The following CDH18 variants were observed in gnomAD, a reference collection of about 807,000 sequenced individuals.
CDH18 encodes cadherin-18.
A neutral mutation model predicts 67.9 loss-of-function variants in CDH18; 31 were observed. The observed-to-expected ratio is 0.46, with a 90% CI of 0.34 to 0.62. The LOEUF (loss-of-function observed/expected upper bound fraction) is 0.62. CDH18 is among the 20% of genes least tolerant of loss of function. The pLI, the probability that CDH18 is intolerant of heterozygous loss-of-function variation, is 0.01. For synonymous variants in CDH18, 362 were observed against 347.2 expected, an observed-to-expected ratio of 1.04 and a Z score of -0.48; for missense variants, 890 against 975.5, an observed-to-expected ratio of 0.91 and a Z score of 1.17.
chr5:19,815,054 C>A (rs773399662), intron 3 of CDH18, among the ~76,000 whole-genome samples: 6 of 152,016 alleles, frequency 3.9e-5, no homozygotes, highest in Non-Finnish European at 7.4e-5. Context: ...ATCACTTATT[C>A]TCTAAAAACA....
At chr5:19,812,574 C>T (rs766688218) in intron 3 of CDH18, among the ~76,000 whole-genome samples, 4 of 152,026 alleles carry the variant, frequency 2.6e-5, no homozygotes, top group Admixed American at 6.6e-5. Flanking sequence ...CTCCAGTAGA[C>T]GTCATTACAG....
At chr5:20,523,375 C>T (rs1222616629) in intron 1 of CDH18, among the ~76,000 whole-genome samples, 1 of 152,152 alleles carries the variant, frequency 6.6e-6, no homozygotes, top group East Asian at 1.9e-4. Flanking sequence ...ATGTTACATG[C>T]TGACTCTCTG....
At chr5:19,630,679 C>T (rs139197095) in intron 5 of CDH18, among the ~76,000 whole-genome samples, 139 of 152,050 alleles carry the variant, frequency 9.1e-4, no homozygotes, top group East Asian at 2.3e-3. Context: ...GAAGTAGGCA[C>T]CTAAGGCAGC....
At chr5:20,060,340 G>A (rs1348657309) in intron 2 of CDH18, among the ~76,000 whole-genome samples, 3 of 151,858 alleles carry the variant, frequency 2.0e-5, no homozygotes, top group Non-Finnish European at 4.4e-5. Flanking sequence ...TAGGGCATGT[G>A]TGTATACCAG....
chr5:20,575,320 T>C (rs1313261718), intron 1 of CDH18: 1 of 152,172 alleles, frequency 6.6e-6, no homozygotes, highest in Non-Finnish European at 1.5e-5. Flanking sequence ...TGCATTTCCA[T>C]ATTTCTAAAT....
chr5:19,487,329 T>C (rs1385684008), intron 11 of CDH18, among the ~76,000 whole-genome samples: 1 of 152,156 alleles, frequency 6.6e-6, no homozygotes, highest in Non-Finnish European at 1.5e-5. Flanking sequence ...TCAATAAAGA[T>C]AAGAAATTTC....
At chr5:19,781,570 G>A (rs182655039) in intron 3 of CDH18, among the ~76,000 whole-genome samples, 1 of 151,950 alleles carries the variant, frequency 6.6e-6, no homozygotes, top group Non-Finnish European at 1.5e-5. Context: ...TCTTGTGGGG[G>A]TTTTTTTATT....
chr5:19,721,356 G>C lies in CDH18; in HGVS notation c.634C>G (p.Pro212Ala). Residue 212 changes from proline to alanine, a missense_variant, in exon 5 of 13, where the codon CCT becomes GCT. Around this residue, in one of 2 missense-constraint regions of CDH18, gnomAD observed 234 missense variants for 307.4 expected, o/e 0.76. Transcript: ENST00000382275. ...LQGQPYFSVD[P>A]KTGVIRTALH... ...GTGTAAATGCACTAACCTGTTTTAGGGTCGACGGAGAAGTAGGGTTGTCCT... is the reference window on the plus strand; with the variant it reads ...GTGTAAATGCACTAACCTGTTTTAGCGTCGACGGAGAAGTAGGGTTGTCCT... 1 of 1,602,582 alleles carries C rather than the reference G, an allele frequency of 6.2e-7. No homozygotes were observed.
At chr5:19,792,895 A>C (rs528300100) in intron 3 of CDH18, among the ~76,000 whole-genome samples, 1 of 152,342 alleles carries the variant, frequency 6.6e-6, no homozygotes, top group African/African-American at 2.4e-5. Context: ...CAAGTTATTT[A>C]GACGACTAGG....
chr5:19,828,333 T>A (rs376750898), intron 3 of CDH18, among the ~76,000 whole-genome samples: 1 of 151,866 alleles, frequency 6.6e-6, no homozygotes, highest in African/African-American at 2.4e-5. Flanking sequence ...TTTCAAAAAA[T>A]TGAGAAGGAT....
At chr5:19,582,417 G>A (rs902855455) in intron 7 of CDH18, among the ~76,000 whole-genome samples, 5 of 151,786 alleles carry the variant, frequency 3.3e-5, no homozygotes, top group Non-Finnish European at 7.4e-5. Flanking sequence ...AGTTTCAAAC[G>A]ATTTATTACT....
At chr5:20,347,791 A>G (rs1196746034) in intron 1 of CDH18, among the ~76,000 whole-genome samples, 1 of 152,182 alleles carries the variant, frequency 6.6e-6, no homozygotes. Flanking sequence ...GCATGTGCAG[A>G]TGCAACACCC....
At chr5:19,736,012 T>C (rs191027256) in intron 4 of CDH18, among the ~76,000 whole-genome samples, 14 of 152,288 alleles carry the variant, frequency 9.2e-5, no homozygotes, top group Non-Finnish European at 1.9e-4. Context: ...TAGAAATAAT[T>C]GGATGAGACA....
At chr5:20,507,826 C>A (rs4002057) in intron 1 of CDH18, among the ~76,000 whole-genome samples, 6,768 of 152,076 alleles carry the variant, frequency 0.045, 484 homozygotes, top group African/African-American at 0.15. Flanking sequence ...TGAGCATACA[C>A]GTTTAGAAAA....
intron 3 of CDH18, among the ~76,000 whole-genome samples, chr5:19,814,959 T>G (rs1256381660): frequency 6.6e-6 from 1 of 152,022 alleles, no homozygotes; most frequent in African/African-American, 2.4e-5. Context: ...GTGCCCATAA[T>G]GTGTATTGCT....
At chr5:20,285,101 T>C (rs944217926) in intron 1 of CDH18, among the ~76,000 whole-genome samples, 53 of 151,862 alleles carry the variant, frequency 3.5e-4, no homozygotes, top group African/African-American at 1.3e-3. Flanking sequence ...TGGGGGCTTA[T>C]TTGCATTTCT....
chr5:19,799,504 G>T (rs1777222640), intron 3 of CDH18, among the ~76,000 whole-genome samples: 1 of 151,510 alleles, frequency 6.6e-6, no homozygotes, highest in East Asian at 1.9e-4. Flanking sequence ...TGAGGGTGAT[G>T]AATGTGTTTA....
chr5:19,898,140 C>T (rs1280656389), intron 2 of CDH18, among the ~76,000 whole-genome samples: 1 of 151,814 alleles, frequency 6.6e-6, no homozygotes, highest in Non-Finnish European at 1.5e-5. Flanking sequence ...TTATTTTTCT[C>T]TATATTATTT....
At chr5:19,502,237 T>G (rs1034575742) in intron 11 of CDH18, among the ~76,000 whole-genome samples, 1 of 152,256 alleles carries the variant, frequency 6.6e-6, no homozygotes, top group Non-Finnish European at 1.5e-5. Flanking sequence ...AAATTCCAAA[T>G]AGCAGCATAT....
Sources: gnomAD v4.1 joint callset for allele counts (sites outside exome capture counted in the v4.1 genomes callset) on GRCh38, gnomAD v4.1.1 for gene constraint, gnomAD v4.1.1 regional missense constraint, MANE v1.5 for transcripts, NCBI Gene and HGNC (gene_info 2026-07-23, HGNC 2026-07-21) for gene names.